Variants in ATG13 observed in about 807,000 individuals in gnomAD.
ATG13 encodes autophagy-related protein 13.
In ATG13, 23 loss-of-function variants were observed where a neutral mutation model predicts 65.5. That is an observed-to-expected ratio of 0.35 (90% CI 0.25 to 0.50). The LOEUF (loss-of-function observed/expected upper bound fraction) is 0.50, where lower values mean the gene tolerates loss of function less well. Among genes scored for constraint, ATG13 ranks in the 20% least tolerant of loss-of-function variants. The probability of loss-of-function intolerance (pLI) is 0.98; values close to 1 mark genes in which losing one functional copy is unlikely to be tolerated. For missense variants in ATG13, 566 were observed against 677.0 expected, an observed-to-expected ratio of 0.84 and a Z score of 1.82; for synonymous variants, 252 against 245.2, an observed-to-expected ratio of 1.03 and a Z score of -0.26.
chr11:46,625,269 CTT>C (rs59095357), intron 1 of ATG13: 94 of 84,348 alleles, frequency 1.1e-3, no homozygotes, highest in African/African-American at 3.7e-3. Flanking sequence ...CTTGCTCTTT[CTT>C]TTTTTTTTTT....
intron 2 of ATG13, among the ~76,000 whole-genome samples, chr11:46,639,518 A>G (rs1366613539): frequency 6.6e-6 from 1 of 152,034 alleles, no homozygotes; most frequent in Non-Finnish European, 1.5e-5. Flanking sequence ...CCCAGCTGTA[A>G]CTGTAACAGG....
chr11:46,659,354 C>T (rs1043579448), intron 10 of ATG13, 38 bp from the exon 11 acceptor site: 2 of 1,526,202 alleles, frequency 1.3e-6, no homozygotes, highest in South Asian at 1.1e-5. Context: ...TTGACTGCCA[C>T]CACCATAAAA....
chr11:46,653,417 G>T lies in ATG13; in HGVS notation c.459-2816G>T, dbSNP rs192011650. Among the ~76,000 whole-genome samples the T allele has an allele frequency of 3.9e-3, 594 of 151,470 alleles. 3 individuals are homozygous for T. Among genetic ancestry groups the T allele is most frequent in the African/African-American group, 0.014 (579 of 41,296 alleles). On this transcript the variant is annotated intron_variant, in intron 7 of 18. Transcript: ENST00000683050. The stretch of plus-strand genomic sequence containing the variant: ...TTGAACTCCTGACCTCAATTGATCC[G>T]CCCACCTCGGCCTCCCAGAGTGCTG...
chr11:46,656,100 T>TG (rs1199731828), intron 7 of ATG13, 133 bp from the exon 8 acceptor site: 10 of 710,632 alleles, frequency 1.4e-5, no homozygotes, highest in Middle Eastern at 3.0e-4. Context: ...GAATTACTAA[T>TG]GCTCCATCAG....
rs772446658 is a variant in ATG13 at position 46,672,238 on chromosome 11, C to T, written c.1576-17C>T. The T allele has an allele frequency of 2.0e-5, 33 of 1,613,936 alleles. No homozygotes were observed. Among genetic ancestry groups the T allele is most frequent in the Middle Eastern group, 3.3e-4 (2 of 6,082 alleles). On this transcript the variant is annotated splice_polypyrimidine_tract_variant and intron_variant, in intron 18 of 18. Coordinates refer to ENST00000683050, the MANE Select transcript of ATG13 (RefSeq NM_001346311.2). ...CCCTGCCTGAATAAACGGCTCTTCC[C>T]TCTCTTTCCGGTACAGGACTCATTA...
chr11:46,622,118 TATATA>T (rs2047869879), intron 1 of ATG13, among the ~76,000 whole-genome samples: 3 of 111,566 alleles, frequency 2.7e-5, no homozygotes, highest in African/African-American at 1.2e-4. Flanking sequence ...TATATATATA[TATATA>T]TATATTTATT....
At chr11:46,635,980 C>T (rs1291991126) in intron 2 of ATG13, among the ~76,000 whole-genome samples, 2 of 152,120 alleles carry the variant, frequency 1.3e-5, no homozygotes, top group East Asian at 3.9e-4. Flanking sequence ...GGGCCTTGCT[C>T]TGTCACCCAA....
At position 46,672,759 on chromosome 11, in the gene ATG13, T is replaced by G. The variant is rs1456717824; in HGVS notation, c.*427T>G. The G allele has an allele frequency of 8.3e-7, 1 of 1,202,746 alleles. No homozygotes were observed. 74.5% of individuals were successfully genotyped at this position (1,202,746 alleles called of 1,614,324 possible). A position where few individuals can be genotyped will look rare whatever the true frequency, so the allele number is the denominator to read the frequency against. On this transcript the variant is annotated 3_prime_UTR_variant, in exon 19 of 19. Transcript: ENST00000683050. Reference sequence around the variant, plus strand: ...CCAGCTGGTGGCCAAGAGATTGGTGTGGAGTCGCAGAAAGAGGAAGGAGAC... The same window carrying G: ...CCAGCTGGTGGCCAAGAGATTGGTGGGGAGTCGCAGAAAGAGGAAGGAGAC...
intron 10 of ATG13, among the ~76,000 whole-genome samples, chr11:46,658,932 G>C (rs2060588241): frequency 6.6e-6 from 1 of 152,214 alleles, no homozygotes; most frequent in South Asian, 2.1e-4. Flanking sequence ...GCTCACACCT[G>C]TAATCCTAGC....
chr11:46,649,224 G>C, intron 6 of ATG13, 41 bp downstream of exon 6: 1 of 1,586,362 alleles, frequency 6.3e-7, no homozygotes, highest in Non-Finnish European at 8.6e-7. Flanking sequence ...TGGTTGCTGA[G>C]GATAAAGTAG....
At chr11:46,661,570 G>A (rs73451880) in intron 11 of ATG13, among the ~76,000 whole-genome samples, 1,772 of 151,092 alleles carry the variant, frequency 0.012, 42 homozygotes, top group African/African-American at 0.041. Flanking sequence ...GCTCATGCCT[G>A]TAGTCCCAGC....
chr11:46,649,777 A>G (rs924623181), intron 6 of ATG13, among the ~76,000 whole-genome samples: 3 of 152,226 alleles, frequency 2.0e-5, no homozygotes, highest in African/African-American at 2.4e-5. Context: ...AATAAATGCA[A>G]TTGCCAGGTT....
Position 46,664,012 on chromosome 11 carries a change from A to G in ATG13, c.805A>G (p.Thr269Ala). 1 of 1,587,476 alleles carries G rather than the reference A, an allele frequency of 6.3e-7. No individual in the cohort carries two copies. Residue 269 changes from threonine (T) to alanine (A), a missense_variant, in exon 12 of 19, where the codon ACA becomes GCA. By Grantham distance (58) the Thr-to-Ala change is moderately conservative (BLOSUM62 0). Transcript: ENST00000683050. ...CTGTGCACAGTGTGTGTTTACTGTC[A>G]CAAAGGCACATTTTCAGACCCCTAC... ...SPPSQCVFTV[T>A]KAHFQTPTPV...
intron 7 of ATG13, among the ~76,000 whole-genome samples, chr11:46,650,698 C>T (rs879740140): frequency 3.3e-5 from 5 of 152,276 alleles, no homozygotes; most frequent in Admixed American, 2.0e-4. Context: ...CTCTGCCTCC[C>T]GGGTTCAAGT....
chr11:46,637,172 A>G (rs1001117110), intron 2 of ATG13, among the ~76,000 whole-genome samples: 3 of 152,222 alleles, frequency 2.0e-5, no homozygotes, highest in Non-Finnish European at 4.4e-5. Context: ...TGGTTTTACC[A>G]TACATAAGTG....
intron 18 of ATG13, among the ~76,000 whole-genome samples, chr11:46,671,855 G>A (rs1036385812): frequency 3.3e-5 from 5 of 152,232 alleles, no homozygotes; most frequent in Middle Eastern, 3.2e-3. Flanking sequence ...AGGGGGTCCC[G>A]ATGCCCAGCA....
At chr11:46,630,731 C>T (rs1261148384) in intron 2 of ATG13, among the ~76,000 whole-genome samples, 7 of 151,784 alleles carry the variant, frequency 4.6e-5, no homozygotes, top group African/African-American at 1.2e-4. Flanking sequence ...CCACCATGCC[C>T]GGCTACTTAC....
Position 46,653,236 on chromosome 11 carries a change from G to A in ATG13, c.458+2919G>A, listed in dbSNP as rs183211445. Among the ~76,000 whole-genome samples, 1,069 of 144,804 alleles carry A rather than the reference G, an allele frequency of 7.4e-3. 22 individuals carry two copies. Among genetic ancestry groups the A allele is most frequent in the African/African-American group, 0.027 (1,039 of 38,660 alleles). The allele number at this position is 144,804 out of a possible 152,430, so 95.0% of individuals were successfully genotyped here. A position where few individuals can be genotyped will look rare whatever the true frequency, so the allele number is the denominator to read the frequency against. The stretch of plus-strand genomic sequence containing the variant: ...GCTCACCTAGGCTGTGCAGTGGCAC[G>A]ATTTTGGCTCACTGCAACCTCCACC... On this transcript the variant is annotated intron_variant, in intron 7 of 18. Coordinates refer to ENST00000683050, the MANE Select transcript of ATG13 (RefSeq NM_001346311.2).
intron 2 of ATG13, among the ~76,000 whole-genome samples, chr11:46,636,712 C>T (rs535672244): frequency 6.6e-6 from 1 of 152,100 alleles, no homozygotes; most frequent in African/African-American, 2.4e-5. Context: ...CTGCCTCAAC[C>T]TCCCAAAGAG....
Sources: allele counts gnomAD v4.1 joint callset (sites outside exome capture counted in the v4.1 genomes callset), GRCh38; gene constraint gnomAD v4.1.1; transcripts MANE v1.5; gene names NCBI Gene and HGNC (gene_info 2026-07-23, HGNC 2026-07-21).